NAV2: variants seen among roughly 807,000 people sequenced by gnomAD.
The protein encoded by NAV2 is neuron navigator 2, also known as helicase, APC down-regulated 1.
NAV2 carries 54 observed loss-of-function variants against 223.2 expected under a neutral mutation model. The observed-to-expected ratio is 0.24, with a 90% CI of 0.19 to 0.30. The LOEUF (loss-of-function observed/expected upper bound fraction) is 0.30. Ranked by LOEUF, NAV2 falls within the 10% of genes least tolerant of loss-of-function variation. The pLI, the probability that NAV2 is intolerant of heterozygous loss-of-function variation, is 1.00. For synonymous variants in NAV2, 1,279 were observed against 1,239.3 expected (o/e 1.03, Z -0.67); for missense variants, 2,806 against 3,147.5 (o/e 0.89, Z 2.60).
intron 1 of NAV2, among the ~76,000 whole-genome samples, chr11:19,752,353 T>C (rs2053896080): frequency 6.6e-6 from 1 of 152,204 alleles, no homozygotes; most frequent in Non-Finnish European, 1.5e-5. Context: ...TTGGGTCATG[T>C]CCAGCAGTAA....
chr11:20,103,918 G>A (rs1295092183), intron 34 of NAV2, among the ~76,000 whole-genome samples, 194 bp downstream of exon 34: 3 of 152,136 alleles, frequency 2.0e-5, no homozygotes, highest in African/African-American at 7.2e-5. Context: ...TTACCAATGG[G>A]GAAACTAAGG....
At chr11:19,633,508 TC>T (rs2047403291) in intron 1 of NAV2, among the ~76,000 whole-genome samples, 1 of 152,242 alleles carries the variant, frequency 6.6e-6, no homozygotes, top group Non-Finnish European at 1.5e-5. Flanking sequence ...CCAGCCTGGC[TC>T]CCTCATCTGA....
Position 19,608,307 on chromosome 11 carries a change from C to T in NAV2, c.76-224177C>T, listed in dbSNP as rs556531022. Among the ~76,000 whole-genome samples the T allele has an allele frequency of 2.0e-5, 3 of 152,350 alleles. No homozygotes were observed. The South Asian group carries it at 6.2e-4, about 32-fold the overall frequency. ...CTAGGATGTCAGATCCCTTCATCTG[C>T]CATCATGTCCTCTCTTATGCTATGT... On this transcript the variant is annotated intron_variant, in intron 1 of 37. Transcript: ENST00000360655.
At chr11:20,023,870 C>T (rs2054779268) in intron 11 of NAV2, among the ~76,000 whole-genome samples, 1 of 152,164 alleles carries the variant, frequency 6.6e-6, no homozygotes. Flanking sequence ...AAACAATGTT[C>T]ATGACCACCT....
At chr11:19,858,694 C>T (rs530250243) in intron 3 of NAV2, among the ~76,000 whole-genome samples, 35 of 152,292 alleles carry the variant, frequency 2.3e-4, no homozygotes, top group African/African-American at 8.2e-4. Context: ...TAGGGTTTCT[C>T]ATGCAACTCA....
chr11:19,489,854 A>G (rs1049112993), intron 1 of NAV2, among the ~76,000 whole-genome samples: 1 of 152,182 alleles, frequency 6.6e-6, no homozygotes, highest in African/African-American at 2.4e-5. Flanking sequence ...GGAGGCTGGG[A>G]TATACATTCT....
At chr11:19,846,743 A>G (rs544434175) in intron 3 of NAV2, among the ~76,000 whole-genome samples, 6 of 152,316 alleles carry the variant, frequency 3.9e-5, no homozygotes, top group Admixed American at 2.0e-4. Flanking sequence ...ATGCTTTTCC[A>G]TCAGCATTTG....
At chr11:19,525,435 T>C (rs2043811510) in intron 1 of NAV2, among the ~76,000 whole-genome samples, 1 of 152,272 alleles carries the variant, frequency 6.6e-6, no homozygotes, top group Non-Finnish European at 1.5e-5. Flanking sequence ...CTGAGTGAAA[T>C]AGAAGAGGGG....
chr11:19,507,115 G>A (rs1287721204), intron 1 of NAV2: 1 of 152,248 alleles, frequency 6.6e-6, no homozygotes, highest in Non-Finnish European at 1.5e-5. Context: ...TCCAAGGAAG[G>A]AAAGGGATGT....
intron 10 of NAV2, among the ~76,000 whole-genome samples, chr11:19,971,485 C>G (rs1017605529): frequency 6.6e-6 from 1 of 152,230 alleles, no homozygotes; most frequent in African/African-American, 2.4e-5. Context: ...ATTTCCCTTT[C>G]CTGGCTCAGG....
intron 1 of NAV2, among the ~76,000 whole-genome samples, chr11:19,356,892 G>T (rs867306073): frequency 1.3e-5 from 2 of 152,194 alleles, no homozygotes; most frequent in Non-Finnish European, 2.9e-5. Context: ...TTTTAATGAT[G>T]CTGGAAAAGT....
chr11:19,934,421 A>C, intron 7 of NAV2, 144 bp downstream of exon 7: 2 of 988,708 alleles, frequency 2.0e-6, no homozygotes, highest in Non-Finnish European at 2.8e-6. Flanking sequence ...ATGAACTCCT[A>C]AGAGAAGCAG....
chr11:19,824,311 A>G (rs2059541097), intron 1 of NAV2, among the ~76,000 whole-genome samples: 1 of 152,194 alleles, frequency 6.6e-6, no homozygotes, highest in Admixed American at 6.5e-5. Context: ...CTGAGACTGT[A>G]GACACTTGCC....
chr11:20,067,190 A>G (rs1374175668), intron 20 of NAV2, among the ~76,000 whole-genome samples: 1 of 152,130 alleles, frequency 6.6e-6, no homozygotes, highest in Non-Finnish European at 1.5e-5. Flanking sequence ...CACGAAGATG[A>G]AGGCCACATT....
rs567923413 is a variant in NAV2, at chr11:19,526,810, C to T, written c.75+175783C>T. 9.9e-4 allele frequency among the ~76,000 whole-genome samples: 151 copies of T among 152,184 alleles called. 1 individual carries two copies. Among genetic ancestry groups the T allele is most frequent in the Admixed American group, 2.0e-3 (30 of 15,286 alleles). On this transcript the variant is annotated intron_variant, in intron 1 of 37. Coordinates refer to the NAV2 transcript ENST00000360655. ...AGCTTTCTGCTGAGGTCCATTACTT[C>T]CCTGGGCCAACTTTCTGTTACACAA...
intron 1 of NAV2, among the ~76,000 whole-genome samples, chr11:19,392,517 G>C (rs941498711): frequency 3.9e-5 from 6 of 152,082 alleles, no homozygotes; most frequent in African/African-American, 1.4e-4. Context: ...TGGCCTGTCC[G>C]TGTGGCCTGG....
In NAV2 at chr11:20,054,183, T is replaced by C. The variant is rs2058213959; in HGVS notation, c.4585T>C (p.Ser1529Pro). ...GGACACCGCTGCCAATTCCCCCTTT[T>C]CCTCTGGCTCCAGCGTGACTTCTCC... ...LQDTAANSPF[S>P]SGSSVTSPSG... Residue 1529 changes from serine (S) to proline (P), a missense_variant, in exon 18 of 38, where the codon TCC (serine) becomes CCC (proline). Around this residue, in one of 4 missense-constraint regions of NAV2, gnomAD observed 742 missense variants for 777.9 expected, o/e 0.95. Coordinates refer to ENST00000349880, the MANE Select transcript of NAV2 (RefSeq NM_145117.5). 6.2e-7 allele frequency: 1 copy of C among 1,613,556 alleles called. No homozygotes were observed. Among genetic ancestry groups the C allele is most frequent in the Non-Finnish European group, 8.5e-7 (1 of 1,179,920 alleles).
intron 1 of NAV2, among the ~76,000 whole-genome samples, chr11:19,604,232 G>A (rs959953268): frequency 2.9e-4 from 44 of 152,260 alleles, no homozygotes; most frequent in Non-Finnish European, 8.8e-5. Context: ...AGAAGAGATT[G>A]TGGGCTGGAG....
At chr11:19,393,727 C>G (rs1198450617) in intron 1 of NAV2, among the ~76,000 whole-genome samples, 2 of 152,116 alleles carry the variant, frequency 1.3e-5, no homozygotes, top group East Asian at 3.9e-4. Flanking sequence ...GGACATACCT[C>G]TAGGCTTTTT....
Sources: allele counts gnomAD v4.1 joint callset (sites outside exome capture counted in the v4.1 genomes callset), GRCh38; gene constraint gnomAD v4.1.1; regional missense constraint gnomAD v4.1.1; transcripts MANE v1.5; gene names NCBI Gene and HGNC (gene_info 2026-07-23, HGNC 2026-07-21).